RNF32: variants seen among roughly 807,000 people sequenced by gnomAD.
The protein encoded by RNF32 is ring finger protein 32.
A neutral mutation model predicts 41.0 loss-of-function variants in RNF32; 36 were observed. That is an observed-to-expected ratio of 0.88 (90% CI 0.67 to 1.16). The LOEUF is 1.16. Ranked by LOEUF, RNF32 falls within the 50% of genes most tolerant of loss-of-function variation. The pLI is 0.00. For missense variants in RNF32, 413 were observed against 436.7 expected (o/e 0.95, Z 0.48); for synonymous variants, 154 against 160.9 (o/e 0.96, Z 0.32).
intron 7 of RNF32, among the ~76,000 whole-genome samples, chr7:156,673,671 T>C (rs1434025385): frequency 7.9e-5 from 12 of 152,136 alleles, no homozygotes; most frequent in Admixed American, 7.9e-4. Flanking sequence ...GCCTGCTGTG[T>C]TCACAGAATG....
intron 2 of RNF32, among the ~76,000 whole-genome samples, chr7:156,644,171 G>A (rs7806832): frequency 0.54 from 81,748 of 152,090 alleles, 25,301 homozygotes; most frequent in African/African-American, 0.85. Context: ...TGAAATGGCA[G>A]GAGTCTCCTT....
chr7:156,675,922 G>A, intron 8 of RNF32, 59 bp downstream of exon 8: 9 of 1,553,542 alleles, frequency 5.8e-6, no homozygotes. Context: ...AGAGGCTGTG[G>A]GGAGTGGCAT....
intron 7 of RNF32, among the ~76,000 whole-genome samples, chr7:156,673,859 T>C (rs1281560050): frequency 6.6e-6 from 1 of 151,392 alleles, no homozygotes; most frequent in African/African-American, 2.4e-5. Context: ...TTCAGAAGTC[T>C]GGTGATTTAA....
At position 156,658,555 on chromosome 7, in the gene RNF32, A is replaced by C. The variant is rs767546030; in HGVS notation, c.669A>C (p.Lys223Asn). Residue 223 changes from lysine to asparagine, a missense_variant, in exon 7 of 9, where the codon AAA (lysine) becomes AAC (asparagine). By Grantham distance (94) the Lys-to-Asn change is moderately conservative (BLOSUM62 0). Transcript: ENST00000317955. Reference protein sequence around the residue: ...VPPTDAKLRKKFFEKKFTEIS... With the variant: ...VPPTDAKLRKNFFEKKFTEIS... ...CCACAGATGCCAAGTTAAGAAAAAA[A>C]TTCTTTGAAAAAAAGGTAGGTAAAG... 1.9e-6 allele frequency: 3 copies of C among 1,610,622 alleles called. No homozygotes were observed. The highest frequency in any genetic ancestry group is 2.5e-6 in the Non-Finnish European group (3 of 1,176,776).
At chr7:156,675,666 T>A (rs1288815279) in intron 7 of RNF32, 30 bp from the exon 8 acceptor site, 2 of 1,595,614 alleles carry the variant, frequency 1.3e-6, no homozygotes, top group East Asian at 4.5e-5. Flanking sequence ...AGCTCAGGTG[T>A]GAGCTTACCC....
intron 7 of RNF32, among the ~76,000 whole-genome samples, chr7:156,663,863 A>C (rs1361261714): frequency 6.6e-6 from 1 of 152,230 alleles, no homozygotes; most frequent in Non-Finnish European, 1.5e-5. Flanking sequence ...ATTCATCTGA[A>C]GGGGGTTAAA....
At chr7:156,666,062 A>G (rs1801298124) in intron 7 of RNF32, among the ~76,000 whole-genome samples, 3 of 152,320 alleles carry the variant, frequency 2.0e-5, no homozygotes, top group South Asian at 4.1e-4. Context: ...TCGATCAAAG[A>G]TAAGTTGCCT....
intron 7 of RNF32, among the ~76,000 whole-genome samples, chr7:156,661,999 A>G (rs1370797985): frequency 6.6e-6 from 1 of 152,208 alleles, no homozygotes; most frequent in Non-Finnish European, 1.5e-5. Flanking sequence ...TAGGGATCCT[A>G]TCATGTAACT....
At chr7:156,650,581 G>T (rs1798583529) in intron 3 of RNF32, among the ~76,000 whole-genome samples, 2 of 152,194 alleles carry the variant, frequency 1.3e-5, no homozygotes, top group African/African-American at 2.4e-5. Context: ...CCCGTTCTAA[G>T]GTCTTGATTA....
At chr7:156,660,144 G>A in intron 7 of RNF32, 1 of 985,706 alleles carries the variant, frequency 1.0e-6, no homozygotes, top group Non-Finnish European at 1.2e-6. Context: ...TGATCCCCGT[G>A]TCTGCTTTTC....
chr7:156,662,777 T>G (rs1297994794), intron 7 of RNF32, among the ~76,000 whole-genome samples: 2 of 151,412 alleles, frequency 1.3e-5, no homozygotes, highest in African/African-American at 2.4e-5. Flanking sequence ...AAGTATGAAA[T>G]GACTGAAAAA....
At position 156,660,102 on chromosome 7, in the gene RNF32, C is replaced by T. The variant is rs11974552; in HGVS notation, c.684+1532C>T. 3.1e-3 allele frequency: 3,034 copies of T among 985,838 alleles called. 64 individuals carry two copies. The African/African-American group carries it at 0.049, about 16-fold the overall frequency. The allele number at this position is 985,838 out of a possible 1,614,324, so 61.1% of individuals were successfully genotyped here. A position where few individuals can be genotyped will look rare whatever the true frequency, so the allele number is the denominator to read the frequency against. ...TTCATCCCAACTGCTGCCTCCTCGT[C>T]CTGAGCCCTCATCGCTCGGAACGCC... On this transcript the variant is annotated intron_variant, in intron 7 of 8. Transcript: ENST00000317955.
Position 156,645,998 on chromosome 7 carries a change from G to A in RNF32, c.274+1241G>A, listed in dbSNP as rs140042446. Reference sequence around the variant, plus strand: ...ATAGAAATAAGTCAGCCTTACCTCCGTCATGGCTGATTGAAATTCTTTATG... The same window carrying A: ...ATAGAAATAAGTCAGCCTTACCTCCATCATGGCTGATTGAAATTCTTTATG... On this transcript the variant is annotated intron_variant, in intron 3 of 8. Transcript: ENST00000317955. Among the ~76,000 whole-genome samples, 239 of 152,156 alleles carry A rather than the reference G, an allele frequency of 1.6e-3. No individual in the cohort carries two copies. In the Middle Eastern group the frequency reaches 0.02, roughly 13 times the overall value.
At position 156,658,496 on chromosome 7, in the gene RNF32, A is replaced by G. The variant is rs1453545406; in HGVS notation, c.610A>G (p.Lys204Glu). The G allele has an allele frequency of 6.2e-7, 1 of 1,613,636 alleles. No individual in the cohort carries two copies. The highest frequency in any genetic ancestry group is 1.3e-5 in the African/African-American group (1 of 74,926). The change falls in exon 7 of 9, where the codon AAG (lysine) becomes GAG (glutamate). Residue 204 changes from lysine to glutamate, a missense_variant. Coordinates refer to ENST00000317955, the MANE Select transcript of RNF32 (RefSeq NM_030936.4). ...QAYWRGCVVR[K>E]WYRNLRKTVP... ...CTACTGGAGAGGATGTGTTGTTAGA[A>G]AGTGGTACAGAAACCTGAGGAAAAC...
chr7:156,641,713 C>G (rs895238113), intron 1 of RNF32, among the ~76,000 whole-genome samples: 4 of 152,204 alleles, frequency 2.6e-5, no homozygotes, highest in African/African-American at 4.8e-5. Flanking sequence ...TATGACCGGA[C>G]CATTTTTAGT....
chr7:156,656,031 T>C (rs1394600282), intron 4 of RNF32, among the ~76,000 whole-genome samples: 2 of 152,248 alleles, frequency 1.3e-5, no homozygotes, highest in African/African-American at 4.8e-5. Flanking sequence ...CCTGTATATT[T>C]TGCATTTCCA....
Position 156,670,722 on chromosome 7 carries a change from C to T in RNF32, c.685-4974C>T, listed in dbSNP as rs1458904208. Among the ~76,000 whole-genome samples the T allele has an allele frequency of 4.6e-5, 7 of 152,100 alleles. No homozygotes were observed. Among genetic ancestry groups the T allele is most frequent in the South Asian group, 2.1e-4 (1 of 4,824 alleles). ...CTCCGTGTGTCGGGAGAGACCTAAC[C>T]GCCAGTCTAGACTCCCATGTGAACC... On this transcript the variant is annotated intron_variant, in intron 7 of 8. Transcript: ENST00000317955. The surrounding 1 kb of genome is among the most constrained non-coding windows in gnomAD (Gnocchi z 4.3).
intron 3 of RNF32, among the ~76,000 whole-genome samples, chr7:156,649,498 G>A (rs78823349): frequency 0.012 from 1,864 of 151,944 alleles, 36 homozygotes; most frequent in African/African-American, 0.042. Context: ...AGCCTAACAC[G>A]TTTCATTTAC....
At chr7:156,674,298 C>T (rs997395674) in intron 7 of RNF32, among the ~76,000 whole-genome samples, 21 of 152,194 alleles carry the variant, frequency 1.4e-4, no homozygotes, top group Admixed American at 2.0e-4. Context: ...ACATGAGCCA[C>T]GTCCATCTGG....
Sources: allele counts gnomAD v4.1 joint callset (sites outside exome capture counted in the v4.1 genomes callset), GRCh38; gene constraint gnomAD v4.1.1; non-coding constraint Gnocchi (gnomAD v3.1); transcripts MANE v1.5; gene names NCBI Gene and HGNC (gene_info 2026-07-23, HGNC 2026-07-21).